The following TFCP2L1 variants were observed in gnomAD, a reference collection of about 807,000 sequenced individuals.
TFCP2L1 encodes the protein transcription factor CP2-like protein 1.
In TFCP2L1, 12 loss-of-function variants were observed where a neutral mutation model predicts 72.2. The ratio of observed to expected loss-of-function variants is 0.17; its 90% CI spans 0.11 to 0.27. TFCP2L1 has a LOEUF of 0.27. Among genes scored for constraint, TFCP2L1 ranks in the 10% least tolerant of loss-of-function variants. TFCP2L1 has a pLI of 1.00. For synonymous variants in TFCP2L1, 260 were observed against 251.0 expected (o/e 1.04, Z -0.34); for missense variants, 488 against 624.6 (o/e 0.78, Z 2.33).
At chr2:121,280,894 C>T (rs1232272388) in intron 2 of TFCP2L1, among the ~76,000 whole-genome samples, 2 of 152,090 alleles carry the variant, frequency 1.3e-5, no homozygotes, top group Non-Finnish European at 2.9e-5. Context: ...TACCCTGTTA[C>T]CCGCGTGAGG....
At chr2:121,278,718 G>T (rs897465929) in intron 2 of TFCP2L1, among the ~76,000 whole-genome samples, 41 of 146,046 alleles carry the variant, frequency 2.8e-4, no homozygotes, top group African/African-American at 1.0e-3. Flanking sequence ...AACACCTAGG[G>T]GGTGGCCAGG....
chr2:121,275,537 TG>T (rs1484302711), intron 2 of TFCP2L1, among the ~76,000 whole-genome samples: 7 of 151,800 alleles, frequency 4.6e-5, no homozygotes, highest in African/African-American at 9.7e-5. Context: ...CTCATCCATT[TG>T]TTTTTTTAAG....
intron 13 of TFCP2L1, among the ~76,000 whole-genome samples, chr2:121,228,149 G>A (rs1353534945): frequency 2.0e-5 from 3 of 152,210 alleles, no homozygotes; most frequent in Non-Finnish European, 2.9e-5. Context: ...AATGAGAATC[G>A]CCTACTTAGG....
intron 2 of TFCP2L1, among the ~76,000 whole-genome samples, chr2:121,254,595 C>T (rs1573380270): frequency 6.6e-6 from 1 of 152,070 alleles, no homozygotes; most frequent in East Asian, 1.9e-4. Context: ...GTCAGGAGTT[C>T]GAGACCAGCA....
At chr2:121,240,460 T>C (rs1686346062) in intron 7 of TFCP2L1, 2 of 985,332 alleles carry the variant, frequency 2.0e-6, no homozygotes, top group Admixed American at 6.1e-5. Flanking sequence ...CACCAAACTA[T>C]AGTGTTGGTA....
intron 7 of TFCP2L1, chr2:121,240,132 G>C (rs1686337821): frequency 1.0e-6 from 1 of 985,082 alleles, no homozygotes; most frequent in Non-Finnish European, 1.2e-6. Context: ...TCTGCTGACA[G>C]GGGCGGAGGC....
chr2:121,258,510 T>G (rs1042409842), intron 2 of TFCP2L1, among the ~76,000 whole-genome samples: 5 of 152,254 alleles, frequency 3.3e-5, no homozygotes, highest in Admixed American at 3.3e-4. Flanking sequence ...CTTCACCCAG[T>G]GGTGCTGTTA....
chr2:121,255,792 G>A (rs544071704), intron 2 of TFCP2L1, among the ~76,000 whole-genome samples: 41 of 151,804 alleles, frequency 2.7e-4, no homozygotes, highest in African/African-American at 9.7e-4. Context: ...GCCCAGGCTG[G>A]AGTACAGCGG....
chr2:121,224,062 C>G lies in TFCP2L1; in HGVS notation c.*279G>C. On this transcript the variant is annotated 3_prime_UTR_variant, in exon 15 of 15. Coordinates refer to ENST00000263707, the MANE Select transcript of TFCP2L1 (RefSeq NM_014553.3). ...AGAGCAGACGTCTCCACTGTTTGCC[C>G]TTTTAGAACGTCAGGGTTGGACCAA... 2.0e-6 allele frequency: 1 copy of G among 505,664 alleles called. No homozygotes were observed. The highest frequency in any genetic ancestry group is 3.3e-5 in the East Asian group (1 of 30,328). The allele number at this position is 505,664 out of a possible 1,614,324, so 31.3% of individuals were successfully genotyped here. A position where few individuals can be genotyped will look rare whatever the true frequency, so the allele number is the denominator to read the frequency against.
rs1422395444 is a variant in TFCP2L1 at position 121,231,893 on chromosome 2, G to A, written c.1274C>T (p.Ser425Phe). 3.7e-6 allele frequency: 6 copies of A among 1,613,640 alleles called. No homozygotes were observed. Among genetic ancestry groups the A allele is most frequent in the Admixed American group, 1.7e-5 (1 of 59,966 alleles). Residue 425 changes from serine (S) to phenylalanine (F), a missense_variant, in exon 13 of 15, where the codon TCC (serine) becomes TTC (phenylalanine). By Grantham distance (155) the Ser-to-Phe change is radical (BLOSUM62 -2). This residue lies in a region of TFCP2L1 where 286 missense variants were observed against 329.0 expected (regional missense o/e 0.87). Transcript: ENST00000263707. ...IEKIANLYSI[S>F]PQHIHRVYRQ... ...GTAGACTCGGTGGATGTGCTGGGGG[G>A]AGATGCTGTACAGGTTGGCGATCTT... is the stretch of plus-strand genomic sequence containing the variant.
intron 2 of TFCP2L1, among the ~76,000 whole-genome samples, chr2:121,274,398 A>G (rs1687105898): frequency 6.6e-6 from 1 of 152,198 alleles, no homozygotes; most frequent in African/African-American, 2.4e-5. Context: ...GGCGGCTGAG[A>G]TCATCTTTTC....
intron 6 of TFCP2L1, among the ~76,000 whole-genome samples, chr2:121,245,523 C>G (rs1293245208): frequency 6.6e-6 from 1 of 152,238 alleles, no homozygotes; most frequent in African/African-American, 2.4e-5. Context: ...AGCCACTTCT[C>G]CCTCCCACTT....
chr2:121,226,523 T>C (rs1459795563), intron 13 of TFCP2L1, among the ~76,000 whole-genome samples: 4 of 152,060 alleles, frequency 2.6e-5, no homozygotes, highest in Admixed American at 2.6e-4. Flanking sequence ...ATAGAAACCT[T>C]GGTACTTAGT....
intron 13 of TFCP2L1, 119 bp downstream of exon 13, chr2:121,231,707 G>A: frequency 1.4e-6 from 2 of 1,397,374 alleles, no homozygotes; most frequent in Non-Finnish European, 1.9e-6. Context: ...GCTGCAGGTG[G>A]TGTGCAGATG....
intron 2 of TFCP2L1, among the ~76,000 whole-genome samples, chr2:121,266,259 C>A (rs1686928346): frequency 6.6e-6 from 1 of 151,838 alleles, no homozygotes; most frequent in Admixed American, 6.6e-5. Context: ...TGAGTCTTCC[C>A]ATCTCTGACC....
At chr2:121,265,610 A>G (rs1686914031) in intron 2 of TFCP2L1, among the ~76,000 whole-genome samples, 1 of 151,892 alleles carries the variant, frequency 6.6e-6, no homozygotes, top group Admixed American at 6.6e-5. Flanking sequence ...CAGCTTCCCA[A>G]GTATCTGGGA....
At chr2:121,280,761 C>T (rs1260565356) in intron 2 of TFCP2L1, among the ~76,000 whole-genome samples, 1 of 27,336 alleles carries the variant, frequency 3.7e-5, no homozygotes, top group Admixed American at 5.2e-4. Flanking sequence ...AAGACCCCCT[C>T]AAAAAAGGAA....
At chr2:121,226,619 A>G (rs113963623) in intron 13 of TFCP2L1, among the ~76,000 whole-genome samples, 3,626 of 152,242 alleles carry the variant, frequency 0.024, 159 homozygotes, top group African/African-American at 0.081. Context: ...GGAAACTAAC[A>G]ACTCTGCTCA....
At position 121,237,809 on chromosome 2, in the gene TFCP2L1, C is replaced by T. The variant is rs759260324; in HGVS notation, c.902G>A (p.Gly301Asp). 4 of 1,614,092 alleles carry T rather than the reference C, an allele frequency of 2.5e-6. No homozygotes were observed. Among genetic ancestry groups the T allele is most frequent in the East Asian group, 2.2e-5 (1 of 44,862 alleles). Residue 301 changes from glycine to aspartate, a missense_variant, in exon 9 of 15, where the codon GGC (glycine) becomes GAC (aspartate). Transcript: ENST00000263707. The stretch of plus-strand genomic sequence containing the variant: ...CCCTGCTCAGACACTTACGTCACTG[C>T]CCACGGGCAGGGCCTCCACCGGGTG... ...PTHPVEALPV[G>D]SDHLLPSASI... is the part of the protein sequence containing the mutation.
Sources: gnomAD v4.1 joint callset for allele counts (sites outside exome capture counted in the v4.1 genomes callset) on GRCh38, gnomAD v4.1.1 for gene constraint, gnomAD v4.1.1 regional missense constraint, MANE v1.5 for transcripts, NCBI Gene and HGNC (gene_info 2026-07-23, HGNC 2026-07-21) for gene names.